Variants in ADGB observed in about 807,000 individuals in gnomAD.
ADGB encodes calpain-7-like protein.
In ADGB, 172 loss-of-function variants were observed where a neutral mutation model predicts 210.5. The ratio of observed to expected loss-of-function variants is 0.82; its 90% CI spans 0.72 to 0.93. The LOEUF is 0.93. Among genes scored for constraint, ADGB ranks in the 40% least tolerant of loss-of-function variants. The pLI is 0.00. For missense variants in ADGB, 2,025 were observed against 1,964.8 expected (o/e 1.03, Z -0.58); for synonymous variants, 658 against 662.7 (o/e 0.99, Z 0.11).
rs1246383366 is a variant in ADGB, at chr6:146,664,253, A to G, written c.665A>G (p.Asn222Ser). 2 of 1,549,676 alleles carry G rather than the reference A, an allele frequency of 1.3e-6. No homozygotes were observed. The highest frequency in any genetic ancestry group is 1.7e-6 in the Non-Finnish European group (2 of 1,145,902). The stretch of plus-strand genomic sequence containing the variant: ...GACTTTTTGCCTTTTGATGAAGATA[A>G]CAATCTATTGCTTCCAGCTACAACT... Reference protein sequence around the residue: ...IDDFLPFDEDNNLLLPATTYE... With the variant: ...IDDFLPFDEDSNLLLPATTYE... Residue 222 changes from asparagine (N) to serine (S), a missense_variant, in exon 6 of 36, where the codon AAC (asparagine) becomes AGC (serine). By Grantham distance (46) the Asn-to-Ser change is conservative (BLOSUM62 1). Coordinates refer to ENST00000397944, the MANE Select transcript of ADGB (RefSeq NM_024694.4).
intron 35 of ADGB, chr6:146,807,344 C>T: frequency 6.7e-7 from 1 of 1,496,770 alleles, no homozygotes; most frequent in Non-Finnish European, 9.0e-7. Flanking sequence ...TTTTTTCTTT[C>T]TGGGAACGTA....
intron 5 of ADGB, among the ~76,000 whole-genome samples, chr6:146,661,090 T>A (rs1019805409): frequency 1.3e-5 from 2 of 152,154 alleles, no homozygotes; most frequent in Non-Finnish European, 2.9e-5. Flanking sequence ...CTTATCACAG[T>A]CAACTAGTAT....
At chr6:146,803,487 T>C (rs1778162562) in intron 35 of ADGB, 5 of 1,605,398 alleles carry the variant, frequency 3.1e-6, no homozygotes, top group Non-Finnish European at 4.3e-6. Flanking sequence ...GATGATGAAC[T>C]TTCTTTCTGC....
chr6:146,811,490 C>T (rs1403755646), intron 35 of ADGB, among the ~76,000 whole-genome samples: 1 of 151,308 alleles, frequency 6.6e-6, no homozygotes, highest in Non-Finnish European at 1.5e-5. Context: ...TAAATATATT[C>T]AGGATATTCA....
intron 1 of ADGB, among the ~76,000 whole-genome samples, chr6:146,627,681 G>A (rs1487853231): frequency 6.6e-6 from 1 of 152,056 alleles, no homozygotes; most frequent in Admixed American, 6.6e-5. Flanking sequence ...TCATGCACAT[G>A]TGCTAACAAA....
At chr6:146,681,117 G>A (rs1156806720) in intron 9 of ADGB, among the ~76,000 whole-genome samples, 2 of 152,140 alleles carry the variant, frequency 1.3e-5, no homozygotes, top group Non-Finnish European at 2.9e-5. Flanking sequence ...TTGGATATTT[G>A]TCCTCGCCCA....
intron 35 of ADGB, among the ~76,000 whole-genome samples, chr6:146,808,044 G>T (rs1198092925): frequency 1.6e-5 from 2 of 126,814 alleles, no homozygotes; most frequent in Non-Finnish European, 3.1e-5. Flanking sequence ...CTGTTGCCCA[G>T]GCTGGAGTGC....
At chr6:146,613,127 A>G (rs1780737005) in intron 1 of ADGB, among the ~76,000 whole-genome samples, 1 of 152,162 alleles carries the variant, frequency 6.6e-6, no homozygotes, top group African/African-American at 2.4e-5. Flanking sequence ...ATTTTAAGTT[A>G]TTTGAGAATA....
chr6:146,810,097 A>G (rs201523769), intron 35 of ADGB, among the ~76,000 whole-genome samples: 32 of 151,952 alleles, frequency 2.1e-4, no homozygotes, highest in Admixed American at 1.3e-4. Flanking sequence ...AAAAACTCAT[A>G]TAACTCAATA....
rs117933892 is a variant in ADGB, at chr6:146,674,184, G to A, written c.1087+1717G>A. Reference sequence around the variant, plus strand: ...CATTGTGCACTTGTGAGTGATAGGAGTAGAAGATACATTGGAGGGGAGTAA... The same window carrying A: ...CATTGTGCACTTGTGAGTGATAGGAATAGAAGATACATTGGAGGGGAGTAA... On this transcript the variant is annotated intron_variant, in intron 8 of 35. Transcript: ENST00000397944. Among the ~76,000 whole-genome samples the A allele has an allele frequency of 6.5e-3, 985 of 152,252 alleles. 6 individuals are homozygous for A. Among genetic ancestry groups the A allele is most frequent in the Middle Eastern group, 0.014 (4 of 292 alleles).
chr6:146,693,746 G>C (rs972781128), intron 12 of ADGB, among the ~76,000 whole-genome samples: 1 of 151,990 alleles, frequency 6.6e-6, no homozygotes, highest in African/African-American at 2.4e-5. Flanking sequence ...GAGAAGCCAC[G>C]CCGCACTTTC....
At position 146,752,624 on chromosome 6, in the gene ADGB, G is replaced by A; in HGVS notation, c.3460G>A (p.Glu1154Lys). 1.9e-6 allele frequency: 3 copies of A among 1,550,896 alleles called. No homozygotes were observed. Among genetic ancestry groups the A allele is most frequent in the Non-Finnish European group, 2.6e-6 (3 of 1,146,458 alleles). The change falls in exon 27 of 36, where the codon GAA (glutamate) becomes AAA (lysine). Residue 1154 changes from glutamate to lysine, a missense_variant. Glu to Lys is a moderately conservative substitution (Grantham distance 56). Transcript: ENST00000397944. ...AFIKLQVLEN[E>K]ETMVSSTGKG... ...CATCAAGCTGCAGGTCCTAGAAAATGAAGAAACTATGGTGAGCTCCACTGG... is the reference window on the plus strand; with the variant it reads ...CATCAAGCTGCAGGTCCTAGAAAATAAAGAAACTATGGTGAGCTCCACTGG...
chr6:146,807,584 G>C lies in ADGB; in HGVS notation c.4818+5573G>C, dbSNP rs569407474. 32 of 1,537,004 alleles carry C rather than the reference G, an allele frequency of 2.1e-5. No homozygotes were observed. In the African/African-American group the frequency reaches 2.5e-4, roughly 12 times the overall value. ...AGAAAAAAAAGAAAGGAAAGAAAAA[G>C]TAACCAGGGGATGTCCAATACCACC... is the stretch of plus-strand genomic sequence containing the variant. On this transcript the variant is annotated intron_variant, in intron 35 of 35. Transcript: ENST00000397944.
chr6:146,632,015 T>A (rs573695261), intron 1 of ADGB, among the ~76,000 whole-genome samples: 7 of 152,052 alleles, frequency 4.6e-5, no homozygotes, highest in African/African-American at 1.7e-4. Context: ...AGGTATCGCC[T>A]TCCAGTGTGT....
chr6:146,713,890 G>A (rs1043711951), intron 13 of ADGB, among the ~76,000 whole-genome samples: 1 of 152,026 alleles, frequency 6.6e-6, no homozygotes, highest in Admixed American at 6.6e-5. Context: ...GTCTCTGTCT[G>A]TATCCGCTTC....
At chr6:146,651,479 AT>A (rs1169783975) in intron 3 of ADGB, among the ~76,000 whole-genome samples, 1 of 152,130 alleles carries the variant, frequency 6.6e-6, no homozygotes, top group Non-Finnish European at 1.5e-5. Flanking sequence ...TTAAAAGACA[AT>A]TTTTGCTCTG....
intron 1 of ADGB, among the ~76,000 whole-genome samples, chr6:146,614,355 A>G (rs529597136): frequency 1.9e-4 from 29 of 152,220 alleles, no homozygotes; most frequent in African/African-American, 4.6e-4. Context: ...CTTCACCACT[A>G]TCAAAAAATA....
At chr6:146,795,231 G>C (rs1184888132) in intron 33 of ADGB, among the ~76,000 whole-genome samples, 3 of 152,080 alleles carry the variant, frequency 2.0e-5, no homozygotes, top group Non-Finnish European at 4.4e-5. Context: ...TATATCAATT[G>C]CACATGGGAA....
intron 10 of ADGB, among the ~76,000 whole-genome samples, chr6:146,687,250 AAGTCAAGCCTC>A (rs1478682739): frequency 6.6e-6 from 1 of 152,032 alleles, no homozygotes; most frequent in Non-Finnish European, 1.5e-5. Context: ...AGCCTCTCCC[AAGTCAAGCCTC>A]TTGCTAAGAT....
Sources: allele counts gnomAD v4.1 joint callset (sites outside exome capture counted in the v4.1 genomes callset), GRCh38; gene constraint gnomAD v4.1.1; transcripts MANE v1.5; gene names NCBI Gene and HGNC (gene_info 2026-07-23, HGNC 2026-07-21).